Variants in PPP2R2B observed in about 807,000 individuals in gnomAD.
PPP2R2B encodes the protein serine/threonine-protein phosphatase 2A 55 kDa regulatory subunit B beta isoform.
In PPP2R2B, 5 loss-of-function variants were observed where a neutral mutation model predicts 46.0. That is an observed-to-expected ratio of 0.11 (90% confidence interval 0.06 to 0.23). The LOEUF (loss-of-function observed/expected upper bound fraction) is 0.23. Ranked by LOEUF, PPP2R2B falls within the 10% of genes least tolerant of loss-of-function variation. The probability of loss-of-function intolerance (pLI) is 1.00; values close to 1 mark genes in which losing one functional copy is unlikely to be tolerated. For synonymous variants in PPP2R2B, 215 were observed against 206.7 expected, an observed-to-expected ratio of 1.04 and a Z score of -0.34; for missense variants, 367 against 575.0, an observed-to-expected ratio of 0.64 and a Z score of 3.70.
intron 2 of PPP2R2B, among the ~76,000 whole-genome samples, chr5:146,727,669 A>G (rs1375365546): frequency 6.6e-6 from 1 of 152,172 alleles, no homozygotes; most frequent in East Asian, 1.9e-4. Flanking sequence ...TAAGTCAAAA[A>G]GAAATTTTAA....
At chr5:146,688,936 C>T (rs531982859) in intron 5 of PPP2R2B, among the ~76,000 whole-genome samples, 6 of 152,156 alleles carry the variant, frequency 3.9e-5, no homozygotes, top group South Asian at 2.1e-4. Context: ...TGCCATGTCT[C>T]GAGGGGCAAA....
At chr5:146,880,939 G>T (rs761256449), upstream of PPP2R2B, among the ~76,000 whole-genome samples, 4 of 152,078 alleles carry the variant, frequency 2.6e-5, no homozygotes, top group Non-Finnish European at 5.9e-5. Flanking sequence ...TAATATGAGA[G>T]AACTAGCTCA....
intron 8 of PPP2R2B, among the ~76,000 whole-genome samples, chr5:146,597,420 C>T (rs1581675820): frequency 6.6e-6 from 1 of 152,140 alleles, no homozygotes; most frequent in South Asian, 2.1e-4. Flanking sequence ...TCTTAAAATT[C>T]ATTATTTCCC....
intron 5 of PPP2R2B, among the ~76,000 whole-genome samples, chr5:146,681,547 G>GA (rs1778175785): frequency 6.6e-6 from 1 of 152,116 alleles, no homozygotes; most frequent in Non-Finnish European, 1.5e-5. Flanking sequence ...GAAAAATTCA[G>GA]AAAATAAAAG....
chr5:146,879,457 T>G (rs1762090975), upstream of PPP2R2B, among the ~76,000 whole-genome samples: 2 of 152,312 alleles, frequency 1.3e-5, no homozygotes, highest in South Asian at 4.2e-4. Context: ...GACAAATTAT[T>G]GCAGCCTCTC....
At chr5:146,675,435 A>G (rs78128262) in intron 5 of PPP2R2B, among the ~76,000 whole-genome samples, 79 of 152,268 alleles carry the variant, frequency 5.2e-4, no homozygotes, top group Non-Finnish European at 9.6e-4. Context: ...ACTGTGGGAT[A>G]GCAGGTTAGT....
chr5:146,718,182 A>G (rs1463174693), intron 2 of PPP2R2B, among the ~76,000 whole-genome samples: 1 of 152,092 alleles, frequency 6.6e-6, no homozygotes, highest in African/African-American at 2.4e-5. Flanking sequence ...TAGACATGCA[A>G]GCATTGTTCA....
At chr5:146,717,650 G>T (rs915570059) in intron 2 of PPP2R2B, among the ~76,000 whole-genome samples, 1 of 152,092 alleles carries the variant, frequency 6.6e-6, no homozygotes, top group African/African-American at 2.4e-5. Flanking sequence ...ACACCATTTT[G>T]GGGAAGCTTT....
intron 2 of PPP2R2B, among the ~76,000 whole-genome samples, chr5:146,863,549 A>G (rs1363540486): frequency 1.3e-5 from 2 of 152,050 alleles, no homozygotes; most frequent in Non-Finnish European, 2.9e-5. Flanking sequence ...TTTCTAGAAG[A>G]TGCTTTAACA....
At chr5:146,829,467 GTA>G (rs1195680470) in intron 2 of PPP2R2B, among the ~76,000 whole-genome samples, 2 of 152,188 alleles carry the variant, frequency 1.3e-5, no homozygotes, top group African/African-American at 2.4e-5. Context: ...TGCAACATGA[GTA>G]AAATCACATT....
intron 1 of PPP2R2B, among the ~76,000 whole-genome samples, chr5:147,053,909 C>G (rs1270966626): frequency 6.6e-6 from 1 of 152,130 alleles, no homozygotes; most frequent in Non-Finnish European, 1.5e-5. Flanking sequence ...CCACTATGTC[C>G]CAGAGCCTCC....
chr5:147,069,965 A>G (rs554058904), intron 2 of PPP2R2B, among the ~76,000 whole-genome samples: 20 of 151,470 alleles, frequency 1.3e-4, no homozygotes, highest in Admixed American at 2.6e-4. Context: ...TAATTTTTGT[A>G]TTTTTAGTAG....
rs78000402 is a variant in PPP2R2B at position 146,603,292 on chromosome 5, A to G, written c.791-2832T>C. Among the ~76,000 whole-genome samples, 196 of 152,352 alleles carry G rather than the reference A, an allele frequency of 1.3e-3. 1 individual carries two copies. The highest frequency in any genetic ancestry group is 4.2e-3 in the African/African-American group (175 of 41,586). Reference sequence around the variant, plus strand: ...CCTGCGGACTATTTGAAAGACATAAAGAATGTTTACATTTTCTCTTCTTTA... The same window carrying G: ...CCTGCGGACTATTTGAAAGACATAAGGAATGTTTACATTTTCTCTTCTTTA... On this transcript the variant is annotated intron_variant, in intron 7 of 9. Transcript: ENST00000394411.
intron 7 of PPP2R2B, among the ~76,000 whole-genome samples, chr5:146,606,296 G>C (rs1337819734): frequency 6.6e-6 from 1 of 152,130 alleles, no homozygotes; most frequent in African/African-American, 2.4e-5. Flanking sequence ...TCATGCCCAT[G>C]TAGAGGGGTT....
chr5:146,953,963 G>T (rs1026443411), intron 1 of PPP2R2B, among the ~76,000 whole-genome samples: 5 of 152,146 alleles, frequency 3.3e-5, no homozygotes, highest in African/African-American at 1.2e-4. Context: ...AAGAACTGAA[G>T]TCTCCAGTAT....
intron 7 of PPP2R2B, among the ~76,000 whole-genome samples, chr5:146,602,610 T>C (rs541804289): frequency 1.2e-3 from 176 of 152,340 alleles, no homozygotes; most frequent in Non-Finnish European, 2.1e-3. Context: ...GCATAGTCAG[T>C]AATGAATTCT....
chr5:147,079,238 T>C (rs991791628), intron 2 of PPP2R2B, among the ~76,000 whole-genome samples: 2 of 151,354 alleles, frequency 1.3e-5, no homozygotes, highest in African/African-American at 4.8e-5. Flanking sequence ...ATTTAAATAA[T>C]AAAATCAGTA....
chr5:146,907,451 C>G (rs1292508433), intron 1 of PPP2R2B, among the ~76,000 whole-genome samples: 1 of 149,324 alleles, frequency 6.7e-6, no homozygotes. Context: ...ATTTCATGTA[C>G]CCAGGAGCCA....
In PPP2R2B at chr5:146,897,282, C is replaced by T. The variant is rs186405348; in HGVS notation, c.79+158383G>A. Among the ~76,000 whole-genome samples, 222 of 152,146 alleles carry T rather than the reference C, an allele frequency of 1.5e-3. 3 individuals are homozygous for T. Among genetic ancestry groups the T allele is most frequent in the Non-Finnish European group, 1.3e-3 (86 of 68,004 alleles). On this transcript the variant is annotated intron_variant, in intron 1 of 8. Transcript: ENST00000336640. ...GTGGGATGAAGGGTGAAAAATGGAGCGGGTGTGAAAAGGGATTTACCTGCC... is the reference window on the plus strand; with the variant it reads ...GTGGGATGAAGGGTGAAAAATGGAGTGGGTGTGAAAAGGGATTTACCTGCC...
Sources: allele counts gnomAD v4.1 joint callset (sites outside exome capture counted in the v4.1 genomes callset), GRCh38; gene constraint gnomAD v4.1.1; transcripts MANE v1.5; gene names NCBI Gene and HGNC (gene_info 2026-07-23, HGNC 2026-07-21).